The following BRSK2 variants were observed in gnomAD, a reference collection of about 807,000 sequenced individuals.
BRSK2 encodes serine/threonine-protein kinase BRSK2.
Under a neutral mutation model 83.3 loss-of-function variants are expected in BRSK2, and 19 were observed. The ratio of observed to expected loss-of-function variants is 0.23; its 90% CI spans 0.16 to 0.33. The LOEUF (loss-of-function observed/expected upper bound fraction) is 0.33. Among genes scored for constraint, BRSK2 ranks in the 10% least tolerant of loss-of-function variants. BRSK2 has a pLI of 1.00. For missense variants in BRSK2, 798 were observed against 1,042.3 expected (o/e 0.77, Z 3.23); for synonymous variants, 519 against 435.4 (o/e 1.19, Z -2.39).
Position 1,390,775 on chromosome 11 carries a change from T to C in BRSK2, c.91+400T>C, listed in dbSNP as rs1220814050. On this transcript the variant is annotated intron_variant, in intron 1 of 19. Coordinates refer to ENST00000528841, the MANE Select transcript of BRSK2 (RefSeq NM_001256627.2). The surrounding 1 kb of genome is among the most constrained non-coding windows in gnomAD (Gnocchi z 6.8). ...CTGCCGTCTGCCGCGGCCGCGCTAA[T>C]AGGCGTGCTGCCCGAGCAGCTGCGC... 6.6e-6 allele frequency among the ~76,000 whole-genome samples: 1 copy of C among 151,858 alleles called. No individual in the cohort carries two copies. Among genetic ancestry groups the C allele is most frequent in the Non-Finnish European group, 1.5e-5 (1 of 67,924 alleles).
At chr11:1,414,937 C>T (rs1847933060) in intron 1 of BRSK2, among the ~76,000 whole-genome samples, 1 of 152,194 alleles carries the variant, frequency 6.6e-6, no homozygotes, top group Admixed American at 6.5e-5. Flanking sequence ...TGTGGACAGA[C>T]CACGTTGTTC....
At chr11:1,459,530 C>T (rs1462027265) in intron 19 of BRSK2, 3 of 456,830 alleles carry the variant, frequency 6.6e-6, no homozygotes, top group Non-Finnish European at 1.2e-5. Flanking sequence ...GAGGGTCCCG[C>T]TGGTCCCACT....
chr11:1,434,686 TG>T (rs1850057543), intron 1 of BRSK2, among the ~76,000 whole-genome samples: 1 of 136,208 alleles, frequency 7.3e-6, no homozygotes, highest in Admixed American at 7.4e-5. Flanking sequence ...TCTGGGTGTC[TG>T]GGGGCACCTA....
In BRSK2 at chr11:1,456,656, A is replaced by C; in HGVS notation, c.1908A>C (p.Thr636=). The C allele has an allele frequency of 6.2e-7, 1 of 1,609,316 alleles. No individual in the cohort carries two copies. The highest frequency in any genetic ancestry group is 8.5e-7 in the Non-Finnish European group (1 of 1,178,632). The change falls in exon 18 of 20, where the codon ACA becomes ACC. Residue 636 remains threonine, a synonymous_variant. Coordinates refer to ENST00000528841, the MANE Select transcript of BRSK2 (RefSeq NM_001256627.2). The part of the protein sequence containing the change: ...VETIQAQLLS[T]HDPPAAQHLS... ...CCATCCAGGCCCAGCTGCTGAGCAC[A>C]CACGACCCGCCTGCGGCCCAGCACT...
chr11:1,391,272 CTGTCTCTTGG>C (rs955677899), intron 1 of BRSK2, among the ~76,000 whole-genome samples: 5 of 152,228 alleles, frequency 3.3e-5, no homozygotes, highest in African/African-American at 9.6e-5. Flanking sequence ...CAGGACCGGC[CTGTCTCTTGG>C]TGTCCCCGAG....
At chr11:1,429,187 G>A (rs528973314) in intron 1 of BRSK2, among the ~76,000 whole-genome samples, 36 of 150,468 alleles carry the variant, frequency 2.4e-4, no homozygotes, top group East Asian at 5.9e-4. Flanking sequence ...GGGTGCATGC[G>A]CGTGTGCATG....
chr11:1,448,590 G>C, intron 12 of BRSK2, among the ~76,000 whole-genome samples: 1 of 152,042 alleles, frequency 6.6e-6, no homozygotes, highest in Admixed American at 6.5e-5. Context: ...GCCCAGTCAC[G>C]AGCTCTGGGC....
intron 13 of BRSK2, 135 bp downstream of exon 13, chr11:1,449,971 TGGC>T (rs1266073246): frequency 5.6e-5 from 35 of 621,972 alleles, no homozygotes; most frequent in Non-Finnish European, 9.5e-5. Context: ...CACGCTCCTG[TGGC>T]GGCTGCTGCT....
At chr11:1,413,119 C>T (rs992329156) in intron 1 of BRSK2, among the ~76,000 whole-genome samples, 1 of 152,108 alleles carries the variant, frequency 6.6e-6, no homozygotes, top group Admixed American at 6.5e-5. Flanking sequence ...CTCCCCATCT[C>T]ATGGCACCAG....
intron 1 of BRSK2, among the ~76,000 whole-genome samples, chr11:1,417,120 C>T (rs1848178159): frequency 6.6e-6 from 1 of 152,140 alleles, no homozygotes; most frequent in Non-Finnish European, 1.5e-5. Context: ...GATTGCACCA[C>T]TGCACTCCAC....
At chr11:1,391,890 T>C (rs1176662301) in intron 1 of BRSK2, among the ~76,000 whole-genome samples, 1 of 152,130 alleles carries the variant, frequency 6.6e-6, no homozygotes, top group Non-Finnish European at 1.5e-5. Flanking sequence ...GGGGCTGGTC[T>C]CCACTCTTCA....
intron 14 of BRSK2, among the ~76,000 whole-genome samples, chr11:1,451,115 C>T (rs1845767430): frequency 6.6e-6 from 1 of 152,234 alleles, no homozygotes; most frequent in African/African-American, 2.4e-5. Flanking sequence ...GCACCAAGGG[C>T]CAGCCAGTGC....
chr11:1,435,234 C>T (rs1340607324), intron 1 of BRSK2, among the ~76,000 whole-genome samples: 4 of 130,722 alleles, frequency 3.1e-5, no homozygotes, highest in African/African-American at 5.7e-5. Context: ...GGGGTCTCAG[C>T]GGAGGAGGGG....
chr11:1,411,866 G>A (rs1382789169), intron 1 of BRSK2, among the ~76,000 whole-genome samples: 1 of 152,222 alleles, frequency 6.6e-6, no homozygotes, highest in African/African-American at 2.4e-5. Flanking sequence ...TGGCATCCGG[G>A]CCCTCATCTT....
chr11:1,403,640 A>C (rs1230112365), intron 1 of BRSK2, among the ~76,000 whole-genome samples: 1 of 152,136 alleles, frequency 6.6e-6, no homozygotes, highest in Non-Finnish European at 1.5e-5. Flanking sequence ...ACCCCAGTTC[A>C]GTGGTGTCTG....
At chr11:1,397,853 G>A (rs1412110912) in intron 1 of BRSK2, among the ~76,000 whole-genome samples, 1 of 152,054 alleles carries the variant, frequency 6.6e-6, no homozygotes, top group East Asian at 1.9e-4. Context: ...GTGGGGCTGG[G>A]TAGGGCCAGT....
At position 1,390,744 on chromosome 11, in the gene BRSK2, G is replaced by A. The variant is rs1590272271; in HGVS notation, c.91+369G>A. On this transcript the variant is annotated intron_variant, in intron 1 of 19. Coordinates refer to ENST00000528841, the MANE Select transcript of BRSK2 (RefSeq NM_001256627.2). The surrounding 1 kb of genome is among the most constrained non-coding windows in gnomAD (Gnocchi z 6.8). Reference sequence around the variant, plus strand: ...CGCGGGAGGAGGGGGCCGCGCGGGCGCCCATCTGCCGTCTGCCGCGGCCGC... The same window carrying A: ...CGCGGGAGGAGGGGGCCGCGCGGGCACCCATCTGCCGTCTGCCGCGGCCGC... Among the ~76,000 whole-genome samples the A allele has an allele frequency of 6.6e-6, 1 of 151,628 alleles. No homozygotes were observed. Among genetic ancestry groups the A allele is most frequent in the East Asian group, 1.9e-4 (1 of 5,144 alleles).
chr11:1,393,921 ATGGAGATGGGTCCTGGAGATGGGTCC>A (rs1263534056), intron 1 of BRSK2, among the ~76,000 whole-genome samples: 27 of 57,690 alleles, frequency 4.7e-4, no homozygotes, highest in African/African-American at 1.1e-3. Flanking sequence ...GAGATGGGCC[ATGGAGATGGGTCCTGGAGATGGGTCC>A]TGGAGATGGG....
intron 1 of BRSK2, chr11:1,411,378 A>G: frequency 6.9e-7 from 1 of 1,452,310 alleles, no homozygotes; most frequent in Non-Finnish European, 9.0e-7. Flanking sequence ...TTGGGGAGGG[A>G]GCCTGGTAGG....
Sources: allele counts gnomAD v4.1 joint callset (sites outside exome capture counted in the v4.1 genomes callset), GRCh38; gene constraint gnomAD v4.1.1; non-coding constraint Gnocchi (gnomAD v3.1); transcripts MANE v1.5; gene names NCBI Gene and HGNC (gene_info 2026-07-23, HGNC 2026-07-21).